ARHGAP44: variants seen among roughly 807,000 people sequenced by gnomAD.
ARHGAP44 encodes rho GTPase-activating protein 44.
A neutral mutation model predicts 106.8 loss-of-function variants in ARHGAP44; 43 were observed. The ratio of observed to expected loss-of-function variants is 0.40; its 90% CI spans 0.32 to 0.52. ARHGAP44 has a LOEUF of 0.52. Among genes scored for constraint, ARHGAP44 ranks in the 20% least tolerant of loss-of-function variants. The pLI is 0.48. For missense variants in ARHGAP44, 866 were observed against 1,050.5 expected (o/e 0.82, Z 2.43); for synonymous variants, 439 against 410.3 (o/e 1.07, Z -0.85).
chr17:12,923,835 G>A (rs745351225), intron 6 of ARHGAP44, among the ~76,000 whole-genome samples: 2 of 152,074 alleles, frequency 1.3e-5, no homozygotes, highest in African/African-American at 4.8e-5. Context: ...CCCGTATGAG[G>A]TCTGCATCCC....
At chr17:12,836,382 T>C (rs988814929) in intron 1 of ARHGAP44, among the ~76,000 whole-genome samples, 2 of 151,954 alleles carry the variant, frequency 1.3e-5, no homozygotes, top group Non-Finnish European at 2.9e-5. Context: ...ATGCGGTGGC[T>C]CATACCTGTA....
intron 19 of ARHGAP44, among the ~76,000 whole-genome samples, chr17:12,983,742 TGTG>T (rs1478143978): frequency 4.6e-5 from 7 of 151,718 alleles, no homozygotes; most frequent in Admixed American, 6.6e-5. Context: ...AGGCGGAGGT[TGTG>T]GTGAGCGGCG....
Position 12,949,041 on chromosome 17 carries a change from A to G in ARHGAP44, c.862-99A>G. 8.5e-7 allele frequency: 1 copy of G among 1,171,612 alleles called. No homozygotes were observed. The highest frequency in any genetic ancestry group is 1.2e-6 in the Non-Finnish European group (1 of 814,584). 72.6% of individuals were successfully genotyped at this position (1,171,612 alleles called of 1,614,324 possible). ...GAGATGGTGTTGGGCAAATGCATGTAAGAGGTTTTGGAGAAAAGAAGCAGG... is the reference window on the plus strand; with the variant it reads ...GAGATGGTGTTGGGCAAATGCATGTGAGAGGTTTTGGAGAAAAGAAGCAGG... On this transcript the variant is annotated intron_variant, in intron 10 of 20. Coordinates refer to ENST00000379672, the MANE Select transcript of ARHGAP44 (RefSeq NM_014859.6). This position sits in a 1 kb window ranked among gnomAD's most constrained non-coding sequence, Gnocchi z 4.1.
intron 16 of ARHGAP44, among the ~76,000 whole-genome samples, chr17:12,961,456 C>T (rs2039258436): frequency 1.3e-5 from 2 of 152,098 alleles, no homozygotes; most frequent in South Asian, 2.1e-4. Flanking sequence ...AAATTCAGGC[C>T]GGGCGTGGTG....
At chr17:12,977,660 C>T (rs553906639) in intron 18 of ARHGAP44, among the ~76,000 whole-genome samples, 3 of 152,256 alleles carry the variant, frequency 2.0e-5, no homozygotes, top group African/African-American at 7.2e-5. Context: ...CGCCCTACGC[C>T]CCACCTCTCC....
At chr17:12,859,206 G>C (rs903833067) in intron 1 of ARHGAP44, among the ~76,000 whole-genome samples, 1 of 152,120 alleles carries the variant, frequency 6.6e-6, no homozygotes, top group Admixed American at 6.5e-5. Context: ...TGCCATCTAC[G>C]AGCCAAGGAA....
chr17:12,853,472 G>C (rs2035821758), intron 1 of ARHGAP44, among the ~76,000 whole-genome samples: 1 of 152,182 alleles, frequency 6.6e-6, no homozygotes, highest in Non-Finnish European at 1.5e-5. Flanking sequence ...AAAATAGAAT[G>C]AATGAACATC....
At chr17:12,982,855 C>T (rs1408429743) in intron 19 of ARHGAP44, 1 of 151,684 alleles carries the variant, frequency 6.6e-6, no homozygotes, top group African/African-American at 2.4e-5. Flanking sequence ...CCAGAGAATA[C>T]ATGAGGTGTC....
chr17:12,990,362 T>C lies in ARHGAP44; in HGVS notation c.*191T>C. On this transcript the variant is annotated 3_prime_UTR_variant, in exon 21 of 21. Coordinates refer to ENST00000379672, the MANE Select transcript of ARHGAP44 (RefSeq NM_014859.6). ...GTGATGCTGGTGGTGCAGGTTTTGT[T>C]TGTTCCTTTCGGGTGGTGACTTCGG... The C allele has an allele frequency of 1.4e-6, 1 of 732,706 alleles. No homozygotes were observed. Among genetic ancestry groups the C allele is most frequent in the Non-Finnish European group, 2.1e-6 (1 of 469,308 alleles). 45.4% of individuals were successfully genotyped at this position (732,706 alleles called of 1,614,324 possible).
chr17:12,841,594 T>TCTCTCTCA (rs1417307080), intron 1 of ARHGAP44, among the ~76,000 whole-genome samples: 3 of 126,516 alleles, frequency 2.4e-5, no homozygotes, highest in African/African-American at 3.5e-5. Flanking sequence ...TGTCTCTCTC[T>TCTCTCTCA]CACACACACA....
At chr17:12,943,177 G>T (rs956740115) in intron 8 of ARHGAP44, among the ~76,000 whole-genome samples, 3 of 152,182 alleles carry the variant, frequency 2.0e-5, no homozygotes, top group Non-Finnish European at 2.9e-5. Context: ...GAGTAGCTGG[G>T]ATTACAGGCA....
chr17:12,796,264 C>G (rs1308969298), intron 1 of ARHGAP44, among the ~76,000 whole-genome samples: 2 of 151,874 alleles, frequency 1.3e-5, no homozygotes, highest in African/African-American at 2.4e-5. Context: ...ATGTCAATAA[C>G]TGTTAATCCC....
At chr17:12,858,617 A>C (rs1303585903) in intron 1 of ARHGAP44, among the ~76,000 whole-genome samples, 1 of 152,204 alleles carries the variant, frequency 6.6e-6, no homozygotes, top group African/African-American at 2.4e-5. Flanking sequence ...TGTGGGCTGA[A>C]TTGTATCTCC....
rs373345909 is a variant in ARHGAP44, at chr17:12,980,198, C to T, written c.1904C>T (p.Pro635Leu). The T allele has an allele frequency of 3.2e-4, 522 of 1,613,050 alleles. No individual in the cohort carries two copies. Among genetic ancestry groups the T allele is most frequent in the Non-Finnish European group, 4.3e-4 (507 of 1,179,850 alleles). ...GGCGCCAGCCCCAGCCCCAGCCAGC[C>T]GCCTGCAGACCAGAGTCCTCACACC... ...QPGASPSPSQPPADQSPHTLR... is the reference protein window; with the variant it reads ...QPGASPSPSQLPADQSPHTLR... Residue 635 changes from proline to leucine, a missense_variant, in exon 19 of 21, where the codon CCG becomes CTG. Coordinates refer to ENST00000379672, the MANE Select transcript of ARHGAP44 (RefSeq NM_014859.6).
At chr17:12,836,242 A>G (rs558002197) in intron 1 of ARHGAP44, among the ~76,000 whole-genome samples, 281 of 152,342 alleles carry the variant, frequency 1.8e-3, no homozygotes, top group African/African-American at 6.4e-3. Context: ...AGTTATGCCA[A>G]TCTTTTTTAA....
intron 1 of ARHGAP44, among the ~76,000 whole-genome samples, chr17:12,793,730 C>G (rs947092877): frequency 1.3e-5 from 2 of 151,630 alleles, no homozygotes; most frequent in Admixed American, 6.6e-5. Flanking sequence ...AAAAAGGAAC[C>G]TGCATTCTAA....
rs1968091 is a variant in ARHGAP44 at position 12,862,866 on chromosome 17, T to C, written c.54-32074T>C. On this transcript the variant is annotated intron_variant, in intron 1 of 20. Transcript: ENST00000379672. ...GTTTAAAAAAATGAGCTGGGAGTGG[T>C]GGTATACACCTGTAGTTCCAGCTAC... is the stretch of plus-strand genomic sequence containing the variant. Among the ~76,000 whole-genome samples, 1,242 of 151,830 alleles carry C rather than the reference T, an allele frequency of 8.2e-3. 13 individuals carry two copies. Among genetic ancestry groups the C allele is most frequent in the African/African-American group, 0.029 (1,190 of 41,388 alleles).
At position 12,789,883 on chromosome 17, in the gene ARHGAP44, G is replaced by T; in HGVS notation, c.45G>T (p.Thr15=). 6.6e-7 allele frequency: 1 copy of T among 1,520,966 alleles called. No homozygotes were observed. The highest frequency in any genetic ancestry group is 8.8e-7 in the Non-Finnish European group (1 of 1,137,390). The allele number at this position is 1,520,966 out of a possible 1,614,324, so 94.2% of individuals were successfully genotyped here. A position where few individuals can be genotyped will look rare whatever the true frequency, so the allele number is the denominator to read the frequency against. The change falls in exon 1 of 21, where the codon ACG becomes ACT. Residue 15 remains threonine, a synonymous_variant. Coordinates refer to ENST00000379672, the MANE Select transcript of ARHGAP44 (RefSeq NM_014859.6). ...GCATGCGCCAGCTGGCCAACCAGAC[G>T]GTGGGCAGGTAGGTCACCCGCGGGC... is the stretch of plus-strand genomic sequence containing the variant. ...FNRMRQLANQ[T]VGRAEKTEVL...
chr17:12,936,857 TGTC>T (rs1418625086), intron 7 of ARHGAP44, among the ~76,000 whole-genome samples: 1 of 152,252 alleles, frequency 6.6e-6, no homozygotes, highest in African/African-American at 2.4e-5. Context: ...CATTTAGTGT[TGTC>T]AGTGTTTTGG....
Sources: gnomAD v4.1 joint callset for allele counts (sites outside exome capture counted in the v4.1 genomes callset) on GRCh38, gnomAD v4.1.1 for gene constraint, Gnocchi (gnomAD v3.1) non-coding constraint, MANE v1.5 for transcripts, NCBI Gene and HGNC (gene_info 2026-07-23, HGNC 2026-07-21) for gene names.